EPS8L2: variants seen among roughly 807,000 people sequenced by gnomAD.
EPS8L2 encodes epidermal growth factor receptor kinase substrate 8-like protein 2.
EPS8L2 carries 81 observed loss-of-function variants against 99.4 expected under a neutral mutation model. The ratio of observed to expected loss-of-function variants is 0.82; its 90% CI spans 0.68 to 0.98. EPS8L2 has a LOEUF of 0.98. Among genes scored for constraint, EPS8L2 ranks in the 50% least tolerant of loss-of-function variants. The pLI is 0.00. For synonymous variants in EPS8L2, 509 were observed against 407.3 expected, an observed-to-expected ratio of 1.25 and a Z score of -3.01; for missense variants, 1,155 against 968.8, an observed-to-expected ratio of 1.19 and a Z score of -2.55.
chr11:727,249 C>G lies in EPS8L2; in HGVS notation c.*268C>G. ...CACCTTCTCTTGAGGCCACAGAACTCCCTGGGGCTGGGGCCTCTTTCTCTG... is the reference window on the plus strand; with the variant it reads ...CACCTTCTCTTGAGGCCACAGAACTGCCTGGGGCTGGGGCCTCTTTCTCTG... On this transcript the variant is annotated 3_prime_UTR_variant, in exon 21 of 21. Transcript: ENST00000318562. The G allele has an allele frequency of 2.7e-6, 1 of 364,966 alleles. No individual in the cohort carries two copies. Among genetic ancestry groups the G allele is most frequent in the Non-Finnish European group, 5.0e-6 (1 of 198,530 alleles). 22.6% of individuals were successfully genotyped at this position (364,966 alleles called of 1,614,324 possible). A position where few individuals can be genotyped will look rare whatever the true frequency, so the allele number is the denominator to read the frequency against.
intron 4 of EPS8L2, among the ~76,000 whole-genome samples, chr11:714,251 G>A (rs1481559591): frequency 6.8e-6 from 1 of 147,736 alleles, no homozygotes; most frequent in African/African-American, 2.5e-5. Context: ...TTTTTTTGAG[G>A]TGGAGCTTTG....
At position 722,000 on chromosome 11, in the gene EPS8L2, G is replaced by A. The variant is rs759779274; in HGVS notation, c.984+9G>A. ...TGGCGATTAACTTGCTGGTGGGTCCGGTGGCCCCAGCCCTGCCCCACTGTC... is the reference window on the plus strand; with the variant it reads ...TGGCGATTAACTTGCTGGTGGGTCCAGTGGCCCCAGCCCTGCCCCACTGTC... On this transcript the variant is annotated intron_variant, in intron 11 of 20. Transcript: ENST00000318562. The A allele has an allele frequency of 1.2e-5, 20 of 1,605,528 alleles. No homozygotes were observed. In the East Asian group the frequency reaches 2.0e-4, roughly 16 times the overall value.
intron 7 of EPS8L2, 56 bp downstream of exon 7, chr11:720,965 G>GGGGAGGGGAGGAGCCCGGCAGGGA (rs1862145646): frequency 1.1e-5 from 14 of 1,291,378 alleles, no homozygotes; most frequent in South Asian, 6.7e-5. Flanking sequence ...GAGCCCGGCA[G>GGGGAGGGGAGGAGCCCGGCAGGGA]GGGAGGGGAG....
chr11:726,100 C>G lies in EPS8L2; in HGVS notation c.1683C>G (p.Ala561=). The change falls in exon 18 of 21, where the codon GCC becomes GCG. Residue 561 remains alanine, a splice_region_variant and synonymous_variant. Coordinates refer to ENST00000318562, the MANE Select transcript of EPS8L2 (RefSeq NM_022772.4). The part of the protein sequence containing the change: ...PEDAGAPFEQ[A]GQKYWGPASP... ...CTAATCGCCCCCCGCCCCCGCAGGC[C>G]GGTCAGAAGTACTGGGGCCCCGCCA... 1.9e-6 allele frequency: 3 copies of G among 1,589,718 alleles called. No individual in the cohort carries two copies. Among genetic ancestry groups the G allele is most frequent in the Non-Finnish European group, 1.7e-6 (2 of 1,164,622 alleles).
Position 727,523 on chromosome 11 carries a change from C to A in EPS8L2, c.*542C>A, listed in dbSNP as rs945452403. 2.0e-5 allele frequency: 3 copies of A among 153,390 alleles called. No individual in the cohort carries two copies. Among genetic ancestry groups the A allele is most frequent in the African/African-American group, 7.2e-5 (3 of 41,436 alleles). 9.5% of individuals were successfully genotyped at this position (153,390 alleles called of 1,614,324 possible). A position where few individuals can be genotyped will look rare whatever the true frequency, so the allele number is the denominator to read the frequency against. On this transcript the variant is annotated 3_prime_UTR_variant, in exon 21 of 21. Coordinates refer to ENST00000318562, the MANE Select transcript of EPS8L2 (RefSeq NM_022772.4). ...CTGCAAGGGCCGACAACGCAGGGGA[C>A]ACCGTGCCGGCTTCAGACACTCCCA...
Position 725,811 on chromosome 11 carries a change from G to A in EPS8L2, c.1644G>A (p.Glu548=), listed in dbSNP as rs746361256. The A allele has an allele frequency of 7.2e-7, 1 of 1,388,618 alleles. No homozygotes were observed. Among genetic ancestry groups the A allele is most frequent in the Admixed American group, 3.1e-5 (1 of 32,416 alleles). 86.0% of individuals were successfully genotyped at this position (1,388,618 alleles called of 1,614,324 possible). A position where few individuals can be genotyped will look rare whatever the true frequency, so the allele number is the denominator to read the frequency against. The part of the protein sequence containing the change: ...AGYVPCNILG[E]ARPEDAGAPF... ...ACGTGCCCTGCAACATCCTAGGCGA[G>A]GCGCGACCGGAGGACGCCGGCGCCC... The change falls in exon 17 of 21, where the codon GAG becomes GAA. Residue 548 remains glutamate, a synonymous_variant. Coordinates refer to ENST00000318562, the MANE Select transcript of EPS8L2 (RefSeq NM_022772.4).
At chr11:708,946 C>T (rs1231594503) in intron 1 of EPS8L2, 7 of 140,446 alleles carry the variant, frequency 5.0e-5, no homozygotes, top group South Asian at 2.3e-4. Context: ...CAACCCCCAC[C>T]GCACCCCCCT....
chr11:719,359 G>A (rs1039983350), intron 4 of EPS8L2, among the ~76,000 whole-genome samples: 6 of 147,780 alleles, frequency 4.1e-5, no homozygotes, highest in African/African-American at 7.2e-5. Context: ...ATTGTGCACC[G>A]AACGGCCAAC....
chr11:709,751 T>G, intron 3 of EPS8L2, 143 bp downstream of exon 3: 1 of 898,292 alleles, frequency 1.1e-6, no homozygotes, highest in Non-Finnish European at 1.7e-6. Context: ...CTCTGGACCC[T>G]AATCAACCTT....
At chr11:706,698 G>T (rs1477600328) in intron 1 of EPS8L2, 1 of 152,280 alleles carries the variant, frequency 6.6e-6, no homozygotes, top group African/African-American at 2.4e-5. Context: ...GGGCCTGACC[G>T]TGGAGGTAGC....
Position 727,507 on chromosome 11 carries a change from C to G in EPS8L2, c.*526C>G, listed in dbSNP as rs926563890. 1 of 153,818 alleles carries G rather than the reference C, an allele frequency of 6.5e-6. No individual in the cohort carries two copies. Among genetic ancestry groups the G allele is most frequent in the Non-Finnish European group, 1.5e-5 (1 of 68,904 alleles). 9.5% of individuals were successfully genotyped at this position (153,818 alleles called of 1,614,324 possible). ...ACGACACACACTTCACCTGCAAGGG[C>G]CGACAACGCAGGGGACACCGTGCCG... On this transcript the variant is annotated 3_prime_UTR_variant, in exon 21 of 21. Coordinates refer to ENST00000318562, the MANE Select transcript of EPS8L2 (RefSeq NM_022772.4).
In EPS8L2 at chr11:719,344, C is replaced by A. The variant is rs114138671; in HGVS notation, c.166-718C>A. On this transcript the variant is annotated intron_variant, in intron 4 of 20. Transcript: ENST00000318562. ...TCAAGTTAGTGTTTATCCAGCTGTG[C>A]CAGCATTGTGCACCGAACGGCCAAC... 4.4e-3 allele frequency among the ~76,000 whole-genome samples: 674 copies of A among 151,888 alleles called. 9 individuals are homozygous for A. The highest frequency in any genetic ancestry group is 0.015 in the African/African-American group (641 of 41,558).
chr11:717,881 C>T (rs572213713), intron 4 of EPS8L2, among the ~76,000 whole-genome samples: 9 of 151,878 alleles, frequency 5.9e-5, no homozygotes, highest in Non-Finnish European at 1.0e-4. Flanking sequence ...TGGTGGCAGG[C>T]GCCTGTAGTC....
rs1374213298 is a variant in EPS8L2, at chr11:724,657, A to C, written c.1455-67A>C. 28 of 1,135,428 alleles carry C rather than the reference A, an allele frequency of 2.5e-5. No individual in the cohort carries two copies. In the East Asian group the frequency reaches 6.3e-4, roughly 26 times the overall value. The allele number at this position is 1,135,428 out of a possible 1,614,324, so 70.3% of individuals were successfully genotyped here. On this transcript the variant is annotated intron_variant, in intron 15 of 20. Transcript: ENST00000318562. This position sits in a 1 kb window ranked among gnomAD's most constrained non-coding sequence, Gnocchi z 5.5. Reference sequence around the variant, plus strand: ...TGCACCTGGGAAGCTGCTGCCCCCCAGCCACTGCCCAGGTCTCAGAGGAGA... The same window carrying C: ...TGCACCTGGGAAGCTGCTGCCCCCCCGCCACTGCCCAGGTCTCAGAGGAGA...
At position 723,341 on chromosome 11, in the gene EPS8L2, C is replaced by T. The variant is rs1461863314; in HGVS notation, c.1442C>T (p.Pro481Leu). The T allele has an allele frequency of 1.3e-6, 2 of 1,527,448 alleles. No homozygotes were observed. The highest frequency in any genetic ancestry group is 1.2e-5 in the South Asian group (1 of 84,830). The allele number at this position is 1,527,448 out of a possible 1,614,324, so 94.6% of individuals were successfully genotyped here. ...PGDALPPVSS[P>L]HTHRGYQPTP... Reference sequence around the variant, plus strand: ...GATGCCCTACCACCAGTCAGCTCCCCACATACTCACAGGTAAGCCCCCCTC... The same window carrying T: ...GATGCCCTACCACCAGTCAGCTCCCTACATACTCACAGGTAAGCCCCCCTC... Residue 481 changes from proline to leucine, a missense_variant, in exon 15 of 21, where the codon CCA becomes CTA. Coordinates refer to ENST00000318562, the MANE Select transcript of EPS8L2 (RefSeq NM_022772.4).
At chr11:712,457 C>T (rs528277907) in intron 4 of EPS8L2, among the ~76,000 whole-genome samples, 1 of 151,224 alleles carries the variant, frequency 6.6e-6, no homozygotes, top group African/African-American at 2.4e-5. Flanking sequence ...GTCGTCCAAG[C>T]CTGGGTGCGA....
At chr11:710,104 C>T (rs576865530) in intron 3 of EPS8L2, 13 of 389,560 alleles carry the variant, frequency 3.3e-5, no homozygotes, top group Admixed American at 2.5e-4. Context: ...GGGAAGAAGC[C>T]GGGCTGGGAC....
At chr11:725,582 G>A (rs941543371) in intron 16 of EPS8L2, 146 bp from the exon 17 acceptor site, 3 of 732,920 alleles carry the variant, frequency 4.1e-6, no homozygotes, top group Non-Finnish European at 5.6e-6. Context: ...GGATGGAGGG[G>A]TGGAAACAGG....
Position 721,193 on chromosome 11 carries a change from A to T in EPS8L2, c.687A>T (p.Pro229=). Residue 229 remains proline (P), a synonymous_variant, in exon 8 of 21, where the codon CCA becomes CCT. Coordinates refer to ENST00000318562, the MANE Select transcript of EPS8L2 (RefSeq NM_022772.4). ...AGAATCGCGTGGGCCCGCAGGTGCCACTCAGCGAGCCAGGTGGGCCGAGGG... is the reference window on the plus strand; with the variant it reads ...AGAATCGCGTGGGCCCGCAGGTGCCTCTCAGCGAGCCAGGTGGGCCGAGGG... ...EAKNRVGPQV[P]LSEPGFRRRE... 1.3e-6 allele frequency: 2 copies of T among 1,532,894 alleles called. No homozygotes were observed. Among genetic ancestry groups the T allele is most frequent in the Middle Eastern group, 1.7e-4 (1 of 5,736 alleles). 95.0% of individuals were successfully genotyped at this position (1,532,894 alleles called of 1,614,324 possible). A position where few individuals can be genotyped will look rare whatever the true frequency, so the allele number is the denominator to read the frequency against.
Sources: allele counts gnomAD v4.1 joint callset (sites outside exome capture counted in the v4.1 genomes callset), GRCh38; gene constraint gnomAD v4.1.1; non-coding constraint Gnocchi (gnomAD v3.1); transcripts MANE v1.5; gene names NCBI Gene and HGNC (gene_info 2026-07-23, HGNC 2026-07-21).